Variants in TAOK1 observed in about 807,000 individuals in gnomAD.
TAOK1 encodes the protein serine/threonine-protein kinase TAO1.
In TAOK1, 21 loss-of-function variants were observed where a neutral mutation model predicts 138.3. The observed-to-expected ratio is 0.15, with a 90% CI of 0.11 to 0.22. TAOK1 has a LOEUF of 0.22. Among genes scored for constraint, TAOK1 ranks in the 10% least tolerant of loss-of-function variants. TAOK1 has a pLI of 1.00. For synonymous variants in TAOK1, 361 were observed against 398.4 expected, an observed-to-expected ratio of 0.91 and a Z score of 1.12; for missense variants, 651 against 1,227.7, an observed-to-expected ratio of 0.53 and a Z score of 7.02.
intron 10 of TAOK1, among the ~76,000 whole-genome samples, chr17:29,492,448 T>C (rs1368494047): frequency 6.6e-6 from 1 of 152,220 alleles, no homozygotes; most frequent in Non-Finnish European, 1.5e-5. Flanking sequence ...AATATAATCA[T>C]GAGTTATAAA....
At chr17:29,408,508 G>A (rs1203750892) in intron 1 of TAOK1, among the ~76,000 whole-genome samples, 4 of 151,712 alleles carry the variant, frequency 2.6e-5, no homozygotes, top group African/African-American at 7.3e-5. Context: ...GAGCCACTGC[G>A]CCTGGCCCAT....
intron 8 of TAOK1, among the ~76,000 whole-genome samples, chr17:29,486,204 A>G (rs2031169043): frequency 6.6e-6 from 1 of 152,132 alleles, no homozygotes; most frequent in African/African-American, 2.4e-5. Context: ...TGAGAGGATC[A>G]CTTGAGCCCA....
At position 29,551,075 on chromosome 17, in the gene TAOK1, G is replaced by A. The variant is rs1391580127; in HGVS notation, c.*8053G>A. ...ACCATTGAGCGATGAATGCACACCTGTAGTAGCCCAGGACCAGCTGTGGTG... is the reference window on the plus strand; with the variant it reads ...ACCATTGAGCGATGAATGCACACCTATAGTAGCCCAGGACCAGCTGTGGTG... On this transcript the variant is annotated 3_prime_UTR_variant, in exon 20 of 20. Coordinates refer to ENST00000261716, the MANE Select transcript of TAOK1 (RefSeq NM_020791.4). 4 of 152,132 alleles carry A rather than the reference G, an allele frequency of 2.6e-5. No individual in the cohort carries two copies. Among genetic ancestry groups the A allele is most frequent in the Admixed American group, 2.0e-4 (3 of 15,274 alleles). The allele number at this position is 152,132 out of a possible 1,614,324, so 9.4% of individuals were successfully genotyped here.
At chr17:29,528,388 G>T (rs79262168) in intron 17 of TAOK1, among the ~76,000 whole-genome samples, 1,627 of 152,232 alleles carry the variant, frequency 0.011, 34 homozygotes, top group African/African-American at 0.037. Context: ...TTTTGCTTGT[G>T]TTAAAGAGTA....
intron 2 of TAOK1, among the ~76,000 whole-genome samples, chr17:29,464,152 TG>T (rs1206099905): frequency 6.6e-6 from 1 of 151,730 alleles, no homozygotes; most frequent in Non-Finnish European, 1.5e-5. Context: ...AAAGAGTTTA[TG>T]GGCCAGGCGC....
chr17:29,545,719 G>GA lies in TAOK1; in HGVS notation c.*2702dup, dbSNP rs1207262027. On this transcript the variant is annotated 3_prime_UTR_variant, in exon 20 of 20. Coordinates refer to ENST00000261716, the MANE Select transcript of TAOK1 (RefSeq NM_020791.4). The stretch of plus-strand genomic sequence containing the variant: ...CCATCATAGAGTAAAGCTTGTAGCA[G>GA]AAAAATTGGAAGGGTTTTGAGATAT... 1 of 152,164 alleles carries GA rather than the reference G, an allele frequency of 6.6e-6. No individual in the cohort carries two copies. Among genetic ancestry groups the GA allele is most frequent in the Non-Finnish European group, 1.5e-5 (1 of 68,000 alleles). The allele number at this position is 152,164 out of a possible 1,614,324, so 9.4% of individuals were successfully genotyped here. A position where few individuals can be genotyped will look rare whatever the true frequency, so the allele number is the denominator to read the frequency against.
chr17:29,468,152 T>TTTTTTTTTTTTTTTTTTTTTTTTA (rs1471553746), intron 3 of TAOK1, among the ~76,000 whole-genome samples: 1 of 145,784 alleles, frequency 6.9e-6, no homozygotes, highest in African/African-American at 2.6e-5. Context: ...TTTTTTTTTT[T>TTTTTTTTTTTTTTTTTTTTTTTTA]AGGAGCTGGA....
intron 11 of TAOK1, among the ~76,000 whole-genome samples, chr17:29,496,600 T>TC (rs2031418776): frequency 6.7e-6 from 1 of 149,170 alleles, no homozygotes; most frequent in East Asian, 2.0e-4. Flanking sequence ...TTTTTTTTTT[T>TC]TTTTAAAGAC....
intron 1 of TAOK1, among the ~76,000 whole-genome samples, chr17:29,424,017 C>A (rs1449576192): frequency 6.7e-6 from 1 of 148,294 alleles, no homozygotes; most frequent in East Asian, 2.0e-4. Flanking sequence ...CCACTGCACT[C>A]CAGCCTGGGC....
intron 3 of TAOK1, among the ~76,000 whole-genome samples, chr17:29,471,276 CTTTTTTTTT>C (rs759764241): frequency 2.4e-5 from 2 of 81,846 alleles, no homozygotes; most frequent in Admixed American, 1.6e-4. Flanking sequence ...TATTTTCTTT[CTTTTTTTTT>C]TTTTTTTTTT....
chr17:29,533,828 G>GTGGAAAGAGAGGGAGAGGGAGACCA (rs1207207803), intron 18 of TAOK1, among the ~76,000 whole-genome samples: 3 of 141,692 alleles, frequency 2.1e-5, no homozygotes, highest in Non-Finnish European at 3.1e-5. Flanking sequence ...GAGGGAGACC[G>GTGGAAAGAGAGGGAGAGGGAGACCA]TGGGGAGAGG....
chr17:29,432,442 G>A (rs565224363), intron 1 of TAOK1, among the ~76,000 whole-genome samples: 45 of 152,190 alleles, frequency 3.0e-4, no homozygotes, highest in Non-Finnish European at 5.7e-4. Flanking sequence ...CAAACATGTC[G>A]CAGTGCTGCA....
At chr17:29,482,404 G>T in intron 8 of TAOK1, 116 bp downstream of exon 8, 1 of 797,424 alleles carries the variant, frequency 1.3e-6, no homozygotes. Flanking sequence ...TATAAGGGGG[G>T]CAATACATTT....
intron 12 of TAOK1, 51 bp downstream of exon 12, chr17:29,498,572 C>A (rs2031455613): frequency 6.3e-7 from 1 of 1,587,284 alleles, no homozygotes; most frequent in African/African-American, 1.3e-5. Context: ...AAACTGTTTT[C>A]TTCATCTGTT....
intron 19 of TAOK1, among the ~76,000 whole-genome samples, chr17:29,536,971 A>T (rs899232827): frequency 2.0e-5 from 3 of 152,160 alleles, no homozygotes; most frequent in African/African-American, 7.2e-5. Context: ...AAATGCTGGG[A>T]TTACAGGCGT....
At chr17:29,394,902 C>G (rs1218593959) in intron 1 of TAOK1, among the ~76,000 whole-genome samples, 1 of 149,832 alleles carries the variant, frequency 6.7e-6, no homozygotes, top group African/African-American at 2.5e-5. Context: ...CAAGAGCAGC[C>G]TGGGCAACAT....
intron 2 of TAOK1, among the ~76,000 whole-genome samples, chr17:29,465,522 G>A (rs28629424): frequency 6.6e-6 from 1 of 151,834 alleles, no homozygotes; most frequent in African/African-American, 2.4e-5. Context: ...TAAAAAAAAA[G>A]TTTTTTGAGG....
intron 11 of TAOK1, among the ~76,000 whole-genome samples, chr17:29,497,995 T>G (rs1399471681): frequency 6.6e-6 from 1 of 152,132 alleles, no homozygotes; most frequent in Admixed American, 6.6e-5. Context: ...CCCCATGAGA[T>G]GTACTGTAGA....
intron 1 of TAOK1, among the ~76,000 whole-genome samples, chr17:29,425,872 T>G (rs530988092): frequency 6.5e-4 from 99 of 152,096 alleles, no homozygotes; most frequent in Non-Finnish European, 1.3e-3. Context: ...CAGGTTTTTT[T>G]TGTTTGTTTT....
Sources: gnomAD v4.1 joint callset for allele counts (sites outside exome capture counted in the v4.1 genomes callset) on GRCh38, gnomAD v4.1.1 for gene constraint, MANE v1.5 for transcripts, NCBI Gene and HGNC (gene_info 2026-07-23, HGNC 2026-07-21) for gene names.